The following UBE2L5 variants were observed in gnomAD, a reference collection of about 807,000 sequenced individuals.
UBE2L5 encodes the protein ubiquitin conjugating enzyme E2 L5.
UBE2L5 carries 3 observed loss-of-function variants against 10.0 expected under a neutral mutation model. That is an observed-to-expected ratio of 0.30 (90% CI 0.14 to 0.78). The LOEUF is 0.78. Ranked by LOEUF, UBE2L5 falls within the 30% of genes least tolerant of loss-of-function variation. The pLI is 0.65. For missense variants in UBE2L5, 131 were observed against 193.3 expected (o/e 0.68, Z 1.91); for synonymous variants, 60 against 71.9 (o/e 0.83, Z 0.83).
Position 30,427,916 on chromosome 13 carries a change from G to A in UBE2L5, c.-75G>A, listed in dbSNP as rs1335251884. On this transcript the variant is annotated 5_prime_UTR_variant, in exon 4 of 4. It adds an upstream start codon to the 5' untranslated region. Transcript: ENST00000635918. ...ACTGCCACATCAGAACGTTATTTGA[G>A]TGTATACATACACAACCATTAAAAG... 7 of 930,440 alleles carry A rather than the reference G, an allele frequency of 7.5e-6. No homozygotes were observed. Among genetic ancestry groups the A allele is most frequent in the African/African-American group, 3.3e-5 (2 of 61,056 alleles). The allele number at this position is 930,440 out of a possible 1,614,324, so 57.6% of individuals were successfully genotyped here.
At position 30,427,637 on chromosome 13, in the gene UBE2L5, T is replaced by C. The variant is rs553482891; in HGVS notation, c.-354T>C. 1.7e-5 allele frequency: 4 copies of C among 241,092 alleles called. No homozygotes were observed. The highest frequency in any genetic ancestry group is 6.9e-5 in the African/African-American group (3 of 43,550). 14.9% of individuals were successfully genotyped at this position (241,092 alleles called of 1,614,324 possible). A position where few individuals can be genotyped will look rare whatever the true frequency, so the allele number is the denominator to read the frequency against. ...CAACATGGTGAAACCTCGTCTCTAC[T>C]AAAAATACAAAAAAAAGTTAGCTGT... is the stretch of plus-strand genomic sequence containing the variant. On this transcript the variant is annotated 5_prime_UTR_variant, in exon 4 of 4. The change abolishes the stop of an existing upstream ORF in the 5' untranslated region. Transcript: ENST00000635918.
In UBE2L5 at chr13:30,429,481, G is replaced by T. The variant is rs1141362; in HGVS notation, c.*1026G>T. On this transcript the variant is annotated 3_prime_UTR_variant, in exon 4 of 4. Coordinates refer to ENST00000635918, the MANE Select transcript of UBE2L5 (RefSeq NM_001355247.2). Reference sequence around the variant, plus strand: ...CTCATTTTGGCTGGGCTGCTCTGAGGTGCTGCATCTTTTATAGTGTCTAGG... The same window carrying T: ...CTCATTTTGGCTGGGCTGCTCTGAGTTGCTGCATCTTTTATAGTGTCTAGG... 6.6e-6 allele frequency among the ~76,000 whole-genome samples: 1 copy of T among 151,864 alleles called. No individual in the cohort carries two copies. Among genetic ancestry groups the T allele is most frequent in the Non-Finnish European group, 1.5e-5 (1 of 67,960 alleles).
chr13:30,427,900 T>A lies in UBE2L5; in HGVS notation c.-91T>A. The A allele has an allele frequency of 1.1e-6, 1 of 869,570 alleles. No homozygotes were observed. Among genetic ancestry groups the A allele is most frequent in the South Asian group, 1.4e-5 (1 of 70,788 alleles). 53.9% of individuals were successfully genotyped at this position (869,570 alleles called of 1,614,324 possible). A position where few individuals can be genotyped will look rare whatever the true frequency, so the allele number is the denominator to read the frequency against. The stretch of plus-strand genomic sequence containing the variant: ...CTCAGCGTAAGTTCAAACTGCCACA[T>A]CAGAACGTTATTTGAGTGTATACAT... On this transcript the variant is annotated 5_prime_UTR_variant, in exon 4 of 4. Transcript: ENST00000635918.
At position 30,427,793 on chromosome 13, in the gene UBE2L5, G is replaced by C. The variant is rs1010152272; in HGVS notation, c.-198G>C. 4 of 581,312 alleles carry C rather than the reference G, an allele frequency of 6.9e-6. No homozygotes were observed. Among genetic ancestry groups the C allele is most frequent in the Admixed American group, 6.4e-5 (2 of 31,070 alleles). 36.0% of individuals were successfully genotyped at this position (581,312 alleles called of 1,614,324 possible). A position where few individuals can be genotyped will look rare whatever the true frequency, so the allele number is the denominator to read the frequency against. ...CACTCCAGCCTGGGCAACAGAGAGA[G>C]ACTCTGGCTAAAAAAAAAAAAAATT... On this transcript the variant is annotated 5_prime_UTR_variant, in exon 4 of 4. Coordinates refer to ENST00000635918, the MANE Select transcript of UBE2L5 (RefSeq NM_001355247.2).
chr13:30,423,241 A>G (rs1885491143), intron 1 of UBE2L5, among the ~76,000 whole-genome samples: 1 of 152,228 alleles, frequency 6.6e-6, no homozygotes, highest in East Asian at 1.9e-4. Flanking sequence ...AAATACAATT[A>G]CAATAAAGCA....
At position 30,427,645 on chromosome 13, in the gene UBE2L5, CA is replaced by C. The variant is rs76971782; in HGVS notation, c.-338del. ...TGAAACCTCGTCTCTACTAAAAATA[CA>C]AAAAAAAGTTAGCTGTGCATGGTGG... On this transcript the variant is annotated 5_prime_UTR_variant, in exon 4 of 4. Coordinates refer to ENST00000635918, the MANE Select transcript of UBE2L5 (RefSeq NM_001355247.2). 2.1e-4 allele frequency: 52 copies of C among 252,462 alleles called. No individual in the cohort carries two copies. Among genetic ancestry groups the C allele is most frequent in the Middle Eastern group, 1.3e-3 (1 of 746 alleles). The allele number at this position is 252,462 out of a possible 1,614,324, so 15.6% of individuals were successfully genotyped here.
At chr13:30,423,068 A>G (rs1268616394) in intron 1 of UBE2L5, among the ~76,000 whole-genome samples, 2 of 152,244 alleles carry the variant, frequency 1.3e-5, no homozygotes, top group South Asian at 2.1e-4. Flanking sequence ...TTGTTGTTCT[A>G]AACTTACTGC....
Position 30,428,831 on chromosome 13 carries a change from T to A in UBE2L5, c.*376T>A, listed in dbSNP as rs1400232854. ...TTAGAGAACATAAAAGAAAAGAGAT[T>A]GTATGCTATATTCCTTGCTTTTTTT... On this transcript the variant is annotated 3_prime_UTR_variant, in exon 4 of 4. Transcript: ENST00000635918. Among the ~76,000 whole-genome samples the A allele has an allele frequency of 6.7e-6, 1 of 149,440 alleles. No homozygotes were observed. Among genetic ancestry groups the A allele is most frequent in the Non-Finnish European group, 1.5e-5 (1 of 67,630 alleles).
chr13:30,427,284 A>C (rs1885550352), intron 3 of UBE2L5, 77 bp from the exon 4 acceptor site: 1 of 152,180 alleles, frequency 6.6e-6, no homozygotes, highest in Non-Finnish European at 1.5e-5. Context: ...TGTATATTTC[A>C]CCTCTATTCA....
At chr13:30,425,953 G>T (rs560227355) in intron 2 of UBE2L5, among the ~76,000 whole-genome samples, 2 of 152,050 alleles carry the variant, frequency 1.3e-5, no homozygotes, top group South Asian at 4.2e-4. Flanking sequence ...GGCGGATGTT[G>T]CAGTGAGCCA....
intron 1 of UBE2L5, among the ~76,000 whole-genome samples, chr13:30,424,206 C>T (rs1043060219): frequency 4.6e-5 from 7 of 152,146 alleles, no homozygotes; most frequent in Non-Finnish European, 7.4e-5. Context: ...CCCACCTCTG[C>T]CTTCACTCTG....
At chr13:30,424,472 C>T (rs962523992) in intron 1 of UBE2L5, among the ~76,000 whole-genome samples, 2 of 152,126 alleles carry the variant, frequency 1.3e-5, no homozygotes, top group East Asian at 3.8e-4. Flanking sequence ...TCCTAGTTTC[C>T]TGGATTCTGC....
At chr13:30,425,143 A>C (rs1885519578) in intron 2 of UBE2L5, among the ~76,000 whole-genome samples, 3 of 152,184 alleles carry the variant, frequency 2.0e-5, no homozygotes. Context: ...GAGGGTTAAC[A>C]TTTTAACATT....
rs934256621 is a variant in UBE2L5, at chr13:30,427,918, G to A, written c.-73G>A. On this transcript the variant is annotated 5_prime_UTR_variant, in exon 4 of 4. Transcript: ENST00000635918. ...TGCCACATCAGAACGTTATTTGAGT[G>A]TATACATACACAACCATTAAAAGTG... The A allele has an allele frequency of 5.3e-6, 5 of 942,802 alleles. No individual in the cohort carries two copies. In the East Asian group the frequency reaches 1.3e-4, roughly 24 times the overall value. 58.4% of individuals were successfully genotyped at this position (942,802 alleles called of 1,614,324 possible). A position where few individuals can be genotyped will look rare whatever the true frequency, so the allele number is the denominator to read the frequency against.
chr13:30,428,150 G>A lies in UBE2L5; in HGVS notation c.160G>A (p.Glu54Lys). Residue 54 changes from glutamate (E) to lysine (K), a missense_variant, in exon 4 of 4, where the codon GAA (glutamate) becomes AAA (lysine). Coordinates refer to ENST00000635918, the MANE Select transcript of UBE2L5 (RefSeq NM_001355247.2). ...PPYNKGAFRI[E>K]INFPAEYPFK... is the part of the protein sequence containing the mutation. The stretch of plus-strand genomic sequence containing the variant: ...GTATAATAAGGGGGCCTTCAGAATC[G>A]AAATCAACTTTCCAGCAGAGTACCC... 1.2e-6 allele frequency: 2 copies of A among 1,607,080 alleles called. No homozygotes were observed. The highest frequency in any genetic ancestry group is 1.7e-6 in the Non-Finnish European group (2 of 1,173,646).
rs1197534909 is a variant in UBE2L5, at chr13:30,429,573, T to C, written c.*1118T>C. On this transcript the variant is annotated 3_prime_UTR_variant, in exon 4 of 4. Coordinates refer to ENST00000635918, the MANE Select transcript of UBE2L5 (RefSeq NM_001355247.2). Reference sequence around the variant, plus strand: ...CCCCCACCGCCTCTCCAGTAAGGACTTTTTGACAAGCTGCACTTCCCTGCT... The same window carrying C: ...CCCCCACCGCCTCTCCAGTAAGGACCTTTTGACAAGCTGCACTTCCCTGCT... 2.0e-5 allele frequency among the ~76,000 whole-genome samples: 3 copies of C among 152,178 alleles called. No individual in the cohort carries two copies. The highest frequency in any genetic ancestry group is 2.1e-4 in the South Asian group (1 of 4,830).
intron 2 of UBE2L5, among the ~76,000 whole-genome samples, chr13:30,425,450 A>G (rs887066171): frequency 6.6e-6 from 1 of 152,200 alleles, no homozygotes; most frequent in Non-Finnish European, 1.5e-5. Flanking sequence ...GGAATGGAAT[A>G]CAAAGCCCAG....
rs202212365 is a variant in UBE2L5, at chr13:30,429,282, T to TCCC, written c.*834_*836dup. 3.2e-4 allele frequency among the ~76,000 whole-genome samples: 47 copies of TCCC among 147,614 alleles called. No homozygotes were observed. The highest frequency in any genetic ancestry group is 1.2e-3 in the African/African-American group (46 of 39,558). ...CCTGGGCAACAAGAGCAAAACTCTG[T>TCCC]CCCCCCCCCACAAAAAAAAATTGAT... On this transcript the variant is annotated 3_prime_UTR_variant, in exon 4 of 4. Transcript: ENST00000635918.
chr13:30,425,710 C>T (rs532250196), intron 2 of UBE2L5, among the ~76,000 whole-genome samples: 6 of 152,326 alleles, frequency 3.9e-5, no homozygotes, highest in Admixed American at 6.5e-5. Context: ...GAAACTTCAG[C>T]TTATGTTTAT....
Sources: gnomAD v4.1 joint callset for allele counts (sites outside exome capture counted in the v4.1 genomes callset) on GRCh38, gnomAD v4.1.1 for gene constraint, MANE v1.5 for transcripts, NCBI Gene and HGNC (gene_info 2026-07-23, HGNC 2026-07-21) for gene names.